The following HRH1 variants were observed in gnomAD, a reference collection of about 807,000 sequenced individuals.
HRH1 encodes the protein histamine H1 receptor.
Under a neutral mutation model 10.3 loss-of-function variants are expected in HRH1, and 6 were observed. The observed-to-expected ratio is 0.58, with a 90% confidence interval of 0.32 to 1.15. HRH1 has a LOEUF of 1.15. Among genes scored for constraint, HRH1 ranks in the 50% most tolerant of loss-of-function variants. The probability of loss-of-function intolerance (pLI) is 0.05; values close to 1 mark genes in which losing one functional copy is unlikely to be tolerated. For missense variants in HRH1, 514 were observed against 615.3 expected, an observed-to-expected ratio of 0.84 and a Z score of 1.74; for synonymous variants, 242 against 236.7, an observed-to-expected ratio of 1.02 and a Z score of -0.21.
At chr3:11,219,174 C>T (rs1014657389) in intron 1 of HRH1, among the ~76,000 whole-genome samples, 16 of 152,234 alleles carry the variant, frequency 1.1e-4, no homozygotes, top group African/African-American at 2.9e-4. Context: ...CAGGAGTGAG[C>T]GACCGCGCCT....
intron 1 of HRH1, among the ~76,000 whole-genome samples, chr3:11,246,047 C>T (rs1275326833): frequency 6.6e-6 from 1 of 151,970 alleles, no homozygotes; most frequent in South Asian, 2.1e-4. Context: ...CTCACACATT[C>T]ACACACATAC....
At chr3:11,196,508 C>A (rs1937656696) in intron 1 of HRH1, among the ~76,000 whole-genome samples, 3 of 152,046 alleles carry the variant, frequency 2.0e-5, no homozygotes, top group Non-Finnish European at 4.4e-5. Context: ...CAGGTTCAAG[C>A]AATTCTCCTT....
intron 1 of HRH1, among the ~76,000 whole-genome samples, chr3:11,213,775 A>G (rs1938404127): frequency 6.6e-6 from 1 of 152,216 alleles, no homozygotes; most frequent in Non-Finnish European, 1.5e-5. Flanking sequence ...TTCAAACCAT[A>G]ATGGCATGTA....
chr3:11,195,684 C>A lies in HRH1; in HGVS notation c.-36+41130C>A, dbSNP rs562930014. Reference sequence around the variant, plus strand: ...CGTTATCCAGGACTCTCTGGGTTGCCAGGGACATAAACCACCTCAAGGAGC... The same window carrying A: ...CGTTATCCAGGACTCTCTGGGTTGCAAGGGACATAAACCACCTCAAGGAGC... On this transcript the variant is annotated intron_variant, in intron 1 of 1. Transcript: ENST00000431010. Among the ~76,000 whole-genome samples, 351 of 152,296 alleles carry A rather than the reference C, an allele frequency of 2.3e-3. 1 individual carries two copies. The highest frequency in any genetic ancestry group is 7.6e-3 in the African/African-American group (317 of 41,542).
chr3:11,218,654 C>T (rs1938595736), intron 1 of HRH1, among the ~76,000 whole-genome samples: 1 of 152,064 alleles, frequency 6.6e-6, no homozygotes, highest in Non-Finnish European at 1.5e-5. Context: ...CGGCTCACTG[C>T]AGCCTCCACC....
At chr3:11,191,594 G>A (rs1437951696) in intron 1 of HRH1, among the ~76,000 whole-genome samples, 1 of 152,138 alleles carries the variant, frequency 6.6e-6, no homozygotes, top group Admixed American at 6.5e-5. Flanking sequence ...CACCTGACTG[G>A]GCTCTTTCTA....
At chr3:11,175,613 C>G (rs1408927083) in intron 1 of HRH1, among the ~76,000 whole-genome samples, 6 of 152,060 alleles carry the variant, frequency 3.9e-5, no homozygotes, top group Middle Eastern at 6.3e-3. Flanking sequence ...AAAGGAAAAC[C>G]ATTTGTAATA....
intron 1 of HRH1, among the ~76,000 whole-genome samples, chr3:11,255,613 G>A (rs929795031): frequency 4.6e-5 from 7 of 152,130 alleles, no homozygotes; most frequent in African/African-American, 1.7e-4. Context: ...AGCACAGTTT[G>A]GTTTTATACA....
rs914755947 is a variant in HRH1 at position 11,141,515 on chromosome 3, G to T, written c.-36+4116G>T. 3.3e-5 allele frequency among the ~76,000 whole-genome samples: 5 copies of T among 152,200 alleles called. No homozygotes were observed. In the East Asian group the frequency reaches 5.8e-4, roughly 18 times the overall value. On this transcript the variant is annotated intron_variant, in intron 1 of 1. Coordinates refer to the HRH1 transcript ENST00000438284. ...ATCTGAAGGCTTGACTTGGCTGGAG[G>T]ATCCACTTCCAATTGGTTCACTCAC...
intron 1 of HRH1, among the ~76,000 whole-genome samples, chr3:11,157,351 A>T (rs903271667): frequency 6.6e-6 from 1 of 152,244 alleles, no homozygotes; most frequent in South Asian, 2.1e-4. Flanking sequence ...AGTAATTCTC[A>T]TTAGCATTCA....
intron 1 of HRH1, among the ~76,000 whole-genome samples, chr3:11,187,310 G>A (rs1033857082): frequency 4.7e-4 from 72 of 152,076 alleles, no homozygotes; most frequent in African/African-American, 1.6e-3. Flanking sequence ...AAGAAACTGG[G>A]ATGGGCCATT....
chr3:11,230,230 C>A (rs1202339150), intron 1 of HRH1, among the ~76,000 whole-genome samples: 1 of 152,174 alleles, frequency 6.6e-6, no homozygotes, highest in East Asian at 1.9e-4. Flanking sequence ...GACTCCAGGT[C>A]TAAGGTAGTG....
At chr3:11,223,426 G>A (rs1404538043) in intron 1 of HRH1, among the ~76,000 whole-genome samples, 1 of 152,092 alleles carries the variant, frequency 6.6e-6, no homozygotes, top group African/African-American at 2.4e-5. Flanking sequence ...GTGAACCCAG[G>A]AGGCGGAGCT....
Position 11,260,802 on chromosome 3 carries a change from C to G in HRH1, c.*301C>G, listed in dbSNP as rs1237965435. On this transcript the variant is annotated 3_prime_UTR_variant, in exon 2 of 2. Coordinates refer to ENST00000431010, the MANE Select transcript of HRH1 (RefSeq NM_001098212.2). Reference sequence around the variant, plus strand: ...AAAATAAAAGAGAGAGAGAATCAGACCTGGGTGGAACTCTCCTGCTCCTCA... The same window carrying G: ...AAAATAAAAGAGAGAGAGAATCAGAGCTGGGTGGAACTCTCCTGCTCCTCA... 1 of 314,314 alleles carries G rather than the reference C, an allele frequency of 3.2e-6. No homozygotes were observed. Among genetic ancestry groups the G allele is most frequent in the African/African-American group, 2.2e-5 (1 of 46,254 alleles). The allele number at this position is 314,314 out of a possible 1,614,324, so 19.5% of individuals were successfully genotyped here.
intron 1 of HRH1, among the ~76,000 whole-genome samples, chr3:11,228,580 G>C (rs952925964): frequency 6.6e-6 from 1 of 151,822 alleles, no homozygotes; most frequent in Non-Finnish European, 1.5e-5. Flanking sequence ...TCCTGCCCTT[G>C]TAGGGATCAA....
At chr3:11,139,149 G>A (rs915863843) in intron 1 of HRH1, among the ~76,000 whole-genome samples, 4 of 149,316 alleles carry the variant, frequency 2.7e-5, no homozygotes, top group Admixed American at 6.7e-5. Flanking sequence ...CACCATGCCC[G>A]GCTAATTTTG....
intron 1 of HRH1, among the ~76,000 whole-genome samples, chr3:11,172,667 C>A (rs1937173978): frequency 6.6e-6 from 1 of 151,098 alleles, no homozygotes; most frequent in Admixed American, 6.6e-5. Flanking sequence ...GAAAGAGAAG[C>A]AAAGCCTTGA....
intron 1 of HRH1, among the ~76,000 whole-genome samples, chr3:11,218,856 G>A (rs1385090021): frequency 8.6e-5 from 13 of 151,868 alleles, no homozygotes; most frequent in South Asian, 2.1e-4. Context: ...GATTACAGGC[G>A]TGAGCCACTG....
intron 1 of HRH1, among the ~76,000 whole-genome samples, chr3:11,164,513 GTGTTTTGTTT>G (rs55637138): frequency 1.9e-4 from 29 of 151,512 alleles, no homozygotes; most frequent in East Asian, 1.2e-3. Context: ...GAAATTGATG[GTGTTTTGTTT>G]TGTTTTGTTT....
Sources: gnomAD v4.1 joint callset for allele counts (sites outside exome capture counted in the v4.1 genomes callset) on GRCh38, gnomAD v4.1.1 for gene constraint, MANE v1.5 for transcripts, NCBI Gene and HGNC (gene_info 2026-07-23, HGNC 2026-07-21) for gene names.